Variants in XPR1 observed in about 807,000 individuals in gnomAD.
XPR1 encodes the protein solute carrier family 53 member 1.
In XPR1, 28 loss-of-function variants were observed where a neutral mutation model predicts 87.5. That is an observed-to-expected ratio of 0.32 (90% CI 0.24 to 0.44). The LOEUF is 0.44. XPR1 is among the 20% of genes least tolerant of loss of function. The probability of loss-of-function intolerance (pLI) is 1.00; values close to 1 mark genes in which losing one functional copy is unlikely to be tolerated. For synonymous variants in XPR1, 300 were observed against 306.1 expected (o/e 0.98, Z 0.21); for missense variants, 559 against 862.3 (o/e 0.65, Z 4.41).
intron 2 of XPR1, among the ~76,000 whole-genome samples, chr1:180,731,229 G>A (rs965439148): frequency 2.0e-5 from 3 of 150,416 alleles, no homozygotes; most frequent in Non-Finnish European, 2.9e-5. Flanking sequence ...AAAAAGAAGT[G>A]TTACCGAAAC....
chr1:180,875,016 G>T (rs1448153570), intron 13 of XPR1, among the ~76,000 whole-genome samples: 1 of 152,158 alleles, frequency 6.6e-6, no homozygotes. Context: ...GTAGAGAACT[G>T]CATCCAACTA....
chr1:180,660,732 T>C (rs1166769538), intron 1 of XPR1, among the ~76,000 whole-genome samples: 1 of 152,230 alleles, frequency 6.6e-6, no homozygotes, highest in Non-Finnish European at 1.5e-5. Flanking sequence ...TTTCAGTTTT[T>C]TTGAATGTTT....
rs1658640009 is a variant in XPR1, at chr1:180,733,898, C to T, written c.121+51487C>T. 3.9e-5 allele frequency among the ~76,000 whole-genome samples: 6 copies of T among 152,246 alleles called. No individual in the cohort carries two copies. The South Asian group carries it at 8.3e-4, about 21-fold the overall frequency. On this transcript the variant is annotated intron_variant, in intron 2 of 14. Transcript: ENST00000367590. ...ATAATAGCTGATATTTTTAGTGCTT[C>T]CTGTACATCAGGCATTTCACTAAAT...
intron 2 of XPR1, among the ~76,000 whole-genome samples, chr1:180,721,344 G>T (rs115665962): frequency 0.022 from 3,286 of 151,802 alleles, 55 homozygotes; most frequent in Middle Eastern, 0.078. Context: ...GGTGCCATTT[G>T]TTGACATTTA....
intron 1 of XPR1, among the ~76,000 whole-genome samples, chr1:180,635,078 AATT>A (rs944330232): frequency 3.3e-5 from 5 of 152,082 alleles, no homozygotes; most frequent in African/African-American, 4.8e-5. Context: ...ATATCCTGAA[AATT>A]ATTATGTTTT....
intron 1 of XPR1, among the ~76,000 whole-genome samples, chr1:180,641,303 T>C (rs988027883): frequency 2.0e-5 from 3 of 152,240 alleles, no homozygotes; most frequent in African/African-American, 7.2e-5. Context: ...AAATTATTTC[T>C]TCTGCAGAGC....
intron 1 of XPR1, among the ~76,000 whole-genome samples, chr1:180,636,966 C>G (rs1477898774): frequency 6.9e-6 from 1 of 144,750 alleles, no homozygotes; most frequent in South Asian, 2.2e-4. Context: ...GCAGGAGAAT[C>G]GATTGAACCG....
rs1476867917 is a variant in XPR1 at position 180,889,202 on chromosome 1, A to G, written c.*5136A>G. 1.3e-5 allele frequency: 2 copies of G among 152,222 alleles called. No homozygotes were observed. The highest frequency in any genetic ancestry group is 4.8e-5 in the African/African-American group (2 of 41,458). 9.4% of individuals were successfully genotyped at this position (152,222 alleles called of 1,614,324 possible). A position where few individuals can be genotyped will look rare whatever the true frequency, so the allele number is the denominator to read the frequency against. ...TTGTAGCAAACCTTTGGTTTATTTT[A>G]TCGTCAAATCAAAGCCACCCTCAGT... On this transcript the variant is annotated 3_prime_UTR_variant, in exon 15 of 15. Transcript: ENST00000367590.
rs192324828 is a variant in XPR1, at chr1:180,703,950, G to C, written c.121+21539G>C. Among the ~76,000 whole-genome samples the C allele has an allele frequency of 5.3e-5, 8 of 152,084 alleles. No individual in the cohort carries two copies. The East Asian group carries it at 1.2e-3, about 22-fold the overall frequency. On this transcript the variant is annotated intron_variant, in intron 2 of 14. Coordinates refer to ENST00000367590, the MANE Select transcript of XPR1 (RefSeq NM_004736.4). ...TTATTACAGAAAATTCTGTTTGTTA[G>C]AGCTAATTTATAGGTTTCTGCTGCA...
At chr1:180,703,020 G>T (rs1265277352) in intron 2 of XPR1, among the ~76,000 whole-genome samples, 2 of 152,082 alleles carry the variant, frequency 1.3e-5, no homozygotes, top group Non-Finnish European at 2.9e-5. Context: ...GGGCAGTAGT[G>T]TAGTTTCTGA....
rs141130924 is a variant in XPR1 at position 180,659,365 on chromosome 1, T to G, written c.70-22995T>G. Among the ~76,000 whole-genome samples the G allele has an allele frequency of 4.9e-3, 460 of 93,542 alleles. 1 individual carries two copies. The highest frequency in any genetic ancestry group is 7.2e-3 in the Non-Finnish European group (319 of 44,288). The allele number at this position is 93,542 out of a possible 152,430, so 61.4% of individuals were successfully genotyped here. Reference sequence around the variant, plus strand: ...CGTCCTTCCTTCCGTCCTTCCGTCCTTCCGTCCGTCCTTCCGTCCTTCCTT... The same window carrying G: ...CGTCCTTCCTTCCGTCCTTCCGTCCGTCCGTCCGTCCTTCCGTCCTTCCTT... On this transcript the variant is annotated intron_variant, in intron 1 of 14. Transcript: ENST00000367590.
intron 1 of XPR1, among the ~76,000 whole-genome samples, chr1:180,647,590 G>C (rs1265860029): frequency 1.3e-5 from 2 of 152,124 alleles, no homozygotes; most frequent in Non-Finnish European, 2.9e-5. Context: ...GTCTGAGTAG[G>C]CAAGCTTTAG....
intron 11 of XPR1, among the ~76,000 whole-genome samples, chr1:180,843,934 C>T (rs959336058): frequency 5.3e-5 from 8 of 152,048 alleles, no homozygotes; most frequent in Admixed American, 2.0e-4. Flanking sequence ...AATAGTTGAC[C>T]GGGCACAGTA....
At chr1:180,660,376 T>C (rs1329877381) in intron 1 of XPR1, among the ~76,000 whole-genome samples, 1 of 152,122 alleles carries the variant, frequency 6.6e-6, no homozygotes, top group African/African-American at 2.4e-5. Context: ...TTATTATTTC[T>C]TTTCTTCTGG....
chr1:180,814,102 AT>A (rs1286089423), intron 7 of XPR1, among the ~76,000 whole-genome samples: 2 of 152,206 alleles, frequency 1.3e-5, no homozygotes, highest in Non-Finnish European at 2.9e-5. Context: ...TACTGAACTA[AT>A]TATTCCTCAT....
chr1:180,752,752 A>G (rs1647583007), intron 2 of XPR1, among the ~76,000 whole-genome samples: 1 of 152,158 alleles, frequency 6.6e-6, no homozygotes, highest in East Asian at 1.9e-4. Flanking sequence ...AAAATTGAAC[A>G]TTTGGTTATT....
At chr1:180,686,637 T>G (rs929207920) in intron 2 of XPR1, among the ~76,000 whole-genome samples, 5 of 152,124 alleles carry the variant, frequency 3.3e-5, no homozygotes, top group Non-Finnish European at 7.4e-5. Flanking sequence ...CATCAGGTTT[T>G]TAAAATGAGA....
Position 180,857,938 on chromosome 1 carries a change from C to T in XPR1, c.1502-5770C>T, listed in dbSNP as rs115194796. Among the ~76,000 whole-genome samples, 1,038 of 152,132 alleles carry T rather than the reference C, an allele frequency of 6.8e-3. 12 individuals are homozygous for T. The highest frequency in any genetic ancestry group is 0.024 in the African/African-American group (986 of 41,498). Reference sequence around the variant, plus strand: ...TTTATTATAAAAACAATATAGTGGCCGGGTGTGGTGGCTCACACCTGTAAT... The same window carrying T: ...TTTATTATAAAAACAATATAGTGGCTGGGTGTGGTGGCTCACACCTGTAAT... On this transcript the variant is annotated intron_variant, in intron 11 of 14. Transcript: ENST00000367590.
At chr1:180,668,643 T>C (rs1186708414) in intron 1 of XPR1, among the ~76,000 whole-genome samples, 1 of 152,254 alleles carries the variant, frequency 6.6e-6, no homozygotes, top group Non-Finnish European at 1.5e-5. Flanking sequence ...CAATTTTCCT[T>C]GTGATTTCTT....
Sources: allele counts gnomAD v4.1 joint callset (sites outside exome capture counted in the v4.1 genomes callset), GRCh38; gene constraint gnomAD v4.1.1; transcripts MANE v1.5; gene names NCBI Gene and HGNC (gene_info 2026-07-23, HGNC 2026-07-21).